GJB7: variants seen among roughly 807,000 people sequenced by gnomAD.
The protein encoded by GJB7 is gap junction beta-7 protein.
For synonymous variants in GJB7, 87 were observed against 95.2 expected, an observed-to-expected ratio of 0.91 and a Z score of 0.50; for missense variants, 253 against 256.8, an observed-to-expected ratio of 0.99 and a Z score of 0.10.
chr6:87,288,048 G>T, intron 2 of GJB7, among the ~76,000 whole-genome samples: 1 of 152,030 alleles, frequency 6.6e-6, no homozygotes. Context: ...GATTGCAGGT[G>T]CCCACCACCA....
chr6:87,324,100 C>T (rs181450954), intron 1 of GJB7, among the ~76,000 whole-genome samples: 2,177 of 151,702 alleles, frequency 0.014, 24 homozygotes, highest in Non-Finnish European at 0.02. Flanking sequence ...TCATGTCCTT[C>T]GCCCACTTTT....
At chr6:87,325,823 A>G (rs1582086053) in intron 1 of GJB7, among the ~76,000 whole-genome samples, 1 of 152,310 alleles carries the variant, frequency 6.6e-6, no homozygotes, top group Middle Eastern at 3.4e-3. Context: ...ATTGATTGGA[A>G]TAGTTTCAGA....
chr6:87,327,988 G>A (rs1259447169), intron 1 of GJB7, among the ~76,000 whole-genome samples: 4 of 150,780 alleles, frequency 2.7e-5, no homozygotes, highest in South Asian at 2.1e-4. Flanking sequence ...TTCCCTTCTC[G>A]CTTCATTTCA....
At chr6:87,309,751 A>C (rs1373568688) in intron 2 of GJB7, among the ~76,000 whole-genome samples, 1 of 152,196 alleles carries the variant, frequency 6.6e-6, no homozygotes, top group Admixed American at 6.5e-5. Flanking sequence ...GAATCCCTGC[A>C]TCCACCCTCT....
At chr6:87,301,208 G>C (rs1055389603) in intron 2 of GJB7, among the ~76,000 whole-genome samples, 1 of 152,130 alleles carries the variant, frequency 6.6e-6, no homozygotes, top group African/African-American at 2.4e-5. Context: ...AGCCCACCAA[G>C]TGTGAGCCAA....
At chr6:87,327,799 C>G (rs1283587141) in intron 1 of GJB7, among the ~76,000 whole-genome samples, 1 of 148,120 alleles carries the variant, frequency 6.8e-6, no homozygotes, top group Non-Finnish European at 1.5e-5. Flanking sequence ...TGAATGTTGG[C>G]CTGCCTTGCT....
intron 1 of GJB7, among the ~76,000 whole-genome samples, chr6:87,328,479 C>T (rs904765510): frequency 4.6e-5 from 7 of 151,506 alleles, no homozygotes; most frequent in South Asian, 2.1e-4. Context: ...CAGACAGGAC[C>T]GTAAGCTTCA....
intron 2 of GJB7, among the ~76,000 whole-genome samples, chr6:87,321,569 G>A (rs1394376414): frequency 6.6e-6 from 1 of 152,130 alleles, no homozygotes; most frequent in African/African-American, 2.4e-5. Context: ...TCATTTTTCA[G>A]GGTTTTTTTG....
chr6:87,290,051 T>C (rs1776140439), intron 2 of GJB7, among the ~76,000 whole-genome samples: 1 of 152,222 alleles, frequency 6.6e-6, no homozygotes, highest in South Asian at 2.1e-4. Context: ...AAAATGCTCA[T>C]CCTTGGGCAC....
chr6:87,288,283 C>T (rs961391849), intron 2 of GJB7, among the ~76,000 whole-genome samples: 3 of 152,054 alleles, frequency 2.0e-5, no homozygotes, highest in Non-Finnish European at 2.9e-5. Context: ...AAAAAATAAA[C>T]CTAATAAACA....
At chr6:87,302,335 G>A (rs1776344649) in intron 2 of GJB7, among the ~76,000 whole-genome samples, 1 of 152,180 alleles carries the variant, frequency 6.6e-6, no homozygotes, top group South Asian at 2.1e-4. Context: ...GTCCTTAAAT[G>A]ACCTCATGGA....
At chr6:87,286,582 A>G (rs1017716675) in intron 2 of GJB7, among the ~76,000 whole-genome samples, 4 of 152,214 alleles carry the variant, frequency 2.6e-5, no homozygotes, top group African/African-American at 9.7e-5. Flanking sequence ...AAAAGCTAAT[A>G]AGAATCTGAA....
chr6:87,323,266 T>TTTTA (rs1776716693), intron 1 of GJB7, among the ~76,000 whole-genome samples: 1 of 151,942 alleles, frequency 6.6e-6, no homozygotes, highest in South Asian at 2.1e-4. Context: ...TTTTGTTTTG[T>TTTTA]TTTGTTTATT....
chr6:87,318,488 G>A (rs746374737), intron 2 of GJB7, among the ~76,000 whole-genome samples: 5 of 152,188 alleles, frequency 3.3e-5, no homozygotes, highest in Non-Finnish European at 7.3e-5. Flanking sequence ...CACCTGTCTG[G>A]TCAATCTACA....
chr6:87,300,697 G>A (rs1002994053), intron 2 of GJB7, among the ~76,000 whole-genome samples: 1 of 152,128 alleles, frequency 6.6e-6, no homozygotes, highest in African/African-American at 2.4e-5. Context: ...CTGATATTGG[G>A]TGCAACCACC....
At chr6:87,299,474 C>T in intron 2 of GJB7, 1 of 428,130 alleles carries the variant, frequency 2.3e-6, no homozygotes, top group Non-Finnish European at 4.6e-6. Flanking sequence ...TTCCAGGATG[C>T]CTATGTTGTA....
rs148034853 is a variant in GJB7, at chr6:87,284,575, G to T, written c.338C>A (p.Pro113Gln). 3 of 1,613,974 alleles carry T rather than the reference G, an allele frequency of 1.9e-6. No homozygotes were observed. Among genetic ancestry groups the T allele is most frequent in the Non-Finnish European group, 2.5e-6 (3 of 1,180,004 alleles). Residue 113 changes from proline (P) to glutamine (Q), a missense_variant, in exon 3 of 3, where the codon CCA becomes CAA. Pro to Gln is a moderately conservative substitution (Grantham distance 76). Transcript: ENST00000525899. ...CCATAGGCCCCCATCCATTGTACCT[G>T]GGCTGACATAGAGTTTCTTTCTGTG... Reference protein sequence around the residue: ...KRHRKKLYVSPGTMDGGLWYA... With the variant: ...KRHRKKLYVSQGTMDGGLWYA...
rs144799280 is a variant in GJB7, at chr6:87,321,432, G to A, written c.-28+1434C>T. ...AGGTTGGAATTTTCTTATTGCTACA[G>A]TATATTTTACCAGTCTTACGATCTC... On this transcript the variant is annotated intron_variant, in intron 2 of 2. Coordinates refer to ENST00000525899, the MANE Select transcript of GJB7 (RefSeq NM_198568.3). 4.7e-3 allele frequency among the ~76,000 whole-genome samples: 721 copies of A among 152,246 alleles called. 2 individuals are homozygous for A. Among genetic ancestry groups the A allele is most frequent in the African/African-American group, 0.015 (633 of 41,530 alleles).
At chr6:87,296,414 T>C (rs997189559) in intron 2 of GJB7, among the ~76,000 whole-genome samples, 4 of 152,224 alleles carry the variant, frequency 2.6e-5, no homozygotes, top group African/African-American at 9.6e-5. Flanking sequence ...CCTTATACTT[T>C]AAATGTACCC....
Sources: gnomAD v4.1 joint callset for allele counts (sites outside exome capture counted in the v4.1 genomes callset) on GRCh38, gnomAD v4.1.1 for gene constraint, MANE v1.5 for transcripts, NCBI Gene and HGNC (gene_info 2026-07-23, HGNC 2026-07-21) for gene names.